The following FBXO4 variants were observed in gnomAD, a reference collection of about 807,000 sequenced individuals.
The protein encoded by FBXO4 is F-box protein 4.
FBXO4 carries 36 observed loss-of-function variants against 43.7 expected under a neutral mutation model. The observed-to-expected ratio is 0.82, with a 90% CI of 0.63 to 1.09. The LOEUF (loss-of-function observed/expected upper bound fraction) is 1.09, where lower values mean the gene tolerates loss of function less well. FBXO4 is among the 50% of genes least tolerant of loss of function. FBXO4 has a pLI of 0.00. For synonymous variants in FBXO4, 180 were observed against 165.6 expected, an observed-to-expected ratio of 1.09 and a Z score of -0.67; for missense variants, 435 against 474.1, an observed-to-expected ratio of 0.92 and a Z score of 0.77.
At chr5:41,929,959 G>T in intron 3 of FBXO4, 42 bp downstream of exon 3, 1 of 1,380,164 alleles carries the variant, frequency 7.2e-7, no homozygotes, top group Non-Finnish European at 1.0e-6. Context: ...AACACTTTGA[G>T]CTTGACATTC....
chr5:42,038,886 T>A, the FBXO4 span, among the ~76,000 whole-genome samples: 7 of 152,242 alleles, frequency 4.6e-5, 1 homozygote, highest in African/African-American at 1.7e-4. Flanking sequence ...GTACCTGGAT[T>A]ATTTCACTTA....
the FBXO4 span, among the ~76,000 whole-genome samples, chr5:41,976,937 T>C: frequency 2.6e-5 from 4 of 152,368 alleles, no homozygotes; most frequent in Non-Finnish European, 4.4e-5. Flanking sequence ...GCCTCCTTCA[T>C]GCCTGCATTC....
At chr5:42,000,911 C>T in the FBXO4 span, among the ~76,000 whole-genome samples, 3 of 152,060 alleles carry the variant, frequency 2.0e-5, no homozygotes, top group Non-Finnish European at 4.4e-5. Flanking sequence ...TTTCTGGGGT[C>T]TCCGTTCTGT....
chr5:42,033,189 G>T, the FBXO4 span, among the ~76,000 whole-genome samples: 7 of 152,104 alleles, frequency 4.6e-5, no homozygotes, highest in Admixed American at 1.3e-4. Flanking sequence ...GGTTGGGGGA[G>T]GGGTGATGTC....
the FBXO4 span, among the ~76,000 whole-genome samples, chr5:42,009,779 A>G: frequency 6.6e-6 from 1 of 152,188 alleles, no homozygotes; most frequent in Non-Finnish European, 1.5e-5. Flanking sequence ...AAATAACATC[A>G]ATTTATCATT....
At chr5:42,039,541 C>T in the FBXO4 span, among the ~76,000 whole-genome samples, 2 of 152,128 alleles carry the variant, frequency 1.3e-5, no homozygotes, top group South Asian at 2.1e-4. Flanking sequence ...TCCACTTGCT[C>T]TCTCTCCTTA....
At chr5:42,026,631 T>G in the FBXO4 span, among the ~76,000 whole-genome samples, 1 of 151,868 alleles carries the variant, frequency 6.6e-6, no homozygotes, top group Non-Finnish European at 1.5e-5. Context: ...GCCTTCTTGT[T>G]GTGCTCTGGA....
the FBXO4 span, among the ~76,000 whole-genome samples, chr5:41,950,721 T>C: frequency 3.0e-3 from 460 of 152,254 alleles, 2 homozygotes; most frequent in African/African-American, 0.011. Flanking sequence ...GAGTATATAC[T>C]CAAAGGATTA....
the FBXO4 span, chr5:41,951,774 T>C: frequency 4.8e-6 from 1 of 206,504 alleles, no homozygotes; most frequent in Admixed American, 5.8e-5. Context: ...GTAGACAGGT[T>C]AGCATAACAT....
chr5:42,008,600 T>C, the FBXO4 span, among the ~76,000 whole-genome samples: 1 of 152,154 alleles, frequency 6.6e-6, no homozygotes, highest in Non-Finnish European at 1.5e-5. Flanking sequence ...ACACCCATGA[T>C]CTTGGTTATA....
At chr5:41,996,202 T>C in the FBXO4 span, among the ~76,000 whole-genome samples, 1 of 152,180 alleles carries the variant, frequency 6.6e-6, no homozygotes, top group Non-Finnish European at 1.5e-5. Context: ...TGATCACATA[T>C]ATACCACTTC....
chr5:42,028,473 C>T, the FBXO4 span, among the ~76,000 whole-genome samples: 2 of 151,516 alleles, frequency 1.3e-5, no homozygotes, highest in East Asian at 1.9e-4. Flanking sequence ...TTTTTTCATC[C>T]ATTCAGCTGC....
chr5:41,974,616 C>G, the FBXO4 span, among the ~76,000 whole-genome samples: 1 of 151,498 alleles, frequency 6.6e-6, no homozygotes, highest in South Asian at 2.1e-4. Context: ...TTGATCCATT[C>G]TTTTTTTTTC....
chr5:42,031,721 C>T, the FBXO4 span, among the ~76,000 whole-genome samples: 2 of 151,840 alleles, frequency 1.3e-5, no homozygotes, highest in Non-Finnish European at 2.9e-5. Flanking sequence ...TCATGTTTAC[C>T]TGGATGGTCT....
In FBXO4 at chr5:41,935,854, G is replaced by T. The variant is rs917688350; in HGVS notation, c.898+1546G>T. Among the ~76,000 whole-genome samples, 73 of 152,238 alleles carry T rather than the reference G, an allele frequency of 4.8e-4. 1 individual carries two copies. Among genetic ancestry groups the T allele is most frequent in the African/African-American group, 1.7e-3 (70 of 41,458 alleles). On this transcript the variant is annotated intron_variant, in intron 5 of 6. Transcript: ENST00000281623. ...GCACAGTTAACAAGATAGGCTGAAA[G>T]CTGAGAACAAGTAGAAACTCTGAGA... is the stretch of plus-strand genomic sequence containing the variant.
chr5:41,983,893 T>C, the FBXO4 span, among the ~76,000 whole-genome samples: 1 of 152,064 alleles, frequency 6.6e-6, no homozygotes, highest in Non-Finnish European at 1.5e-5. Context: ...TCAGACTCAA[T>C]ACTTAAATAT....
chr5:41,934,939 AT>A, intron 5 of FBXO4: 1 of 965,594 alleles, frequency 1.0e-6, no homozygotes, highest in Non-Finnish European at 1.2e-6. Flanking sequence ...AATACATAAT[AT>A]ATTGTATATA....
chr5:42,039,663 T>C, the FBXO4 span, among the ~76,000 whole-genome samples: 1 of 152,118 alleles, frequency 6.6e-6, no homozygotes, highest in East Asian at 1.9e-4. Flanking sequence ...ACCTGTGACT[T>C]GCATCTAACT....
At chr5:41,925,830 GAC>G (rs2112564394) in intron 1 of FBXO4, among the ~76,000 whole-genome samples, 1 of 152,294 alleles carries the variant, frequency 6.6e-6, no homozygotes, top group East Asian at 1.9e-4. Flanking sequence ...ACGGAAATGA[GAC>G]AGTTCCCAAC....
Sources: allele counts gnomAD v4.1 joint callset (sites outside exome capture counted in the v4.1 genomes callset), GRCh38; gene constraint gnomAD v4.1.1; transcripts MANE v1.5; gene names NCBI Gene and HGNC (gene_info 2026-07-23, HGNC 2026-07-21).